The following STAC variants were observed in gnomAD, a reference collection of about 807,000 sequenced individuals.
The protein encoded by STAC is SH3 and cysteine rich domain, also known as SH3 and cysteine-rich domain-containing protein.
STAC carries 43 observed loss-of-function variants against 48.8 expected under a neutral mutation model. That is an observed-to-expected ratio of 0.88 (90% CI 0.69 to 1.14). The LOEUF (loss-of-function observed/expected upper bound fraction) is 1.14, where lower values mean the gene tolerates loss of function less well. Among genes scored for constraint, STAC ranks in the 50% most tolerant of loss-of-function variants. The pLI, the probability that STAC is intolerant of heterozygous loss-of-function variation, is 0.00. For missense variants in STAC, 497 were observed against 504.0 expected, an observed-to-expected ratio of 0.99 and a Z score of 0.13; for synonymous variants, 193 against 179.5, an observed-to-expected ratio of 1.07 and a Z score of -0.60.
intron 10 of STAC, among the ~76,000 whole-genome samples, chr3:36,538,252 A>G (rs1185547243): frequency 1.3e-5 from 2 of 152,184 alleles, no homozygotes; most frequent in African/African-American, 4.8e-5. Context: ...TCATATATAT[A>G]TGGTCTGCGG....
At chr3:36,425,200 C>T (rs1387134702) in intron 1 of STAC, among the ~76,000 whole-genome samples, 1 of 152,094 alleles carries the variant, frequency 6.6e-6, no homozygotes, top group East Asian at 1.9e-4. Context: ...TACTTTGACC[C>T]AGTGACAAAA....
At position 36,381,954 on chromosome 3, in the gene STAC, G is replaced by A. The variant is rs374659278; in HGVS notation, c.111+1200G>A. ...TTTTCTAAAACTCGGTTGGAAATGA[G>A]GGAAAAAGCCCCAACTTCCAGAGAC... On this transcript the variant is annotated intron_variant, in intron 1 of 10. Coordinates refer to ENST00000273183, the MANE Select transcript of STAC (RefSeq NM_003149.3). Among the ~76,000 whole-genome samples the A allele has an allele frequency of 1.5e-4, 23 of 152,278 alleles. 1 individual carries two copies. The highest frequency in any genetic ancestry group is 5.5e-4 in the African/African-American group (23 of 41,554).
rs1698923721 is a variant in STAC at position 36,525,976 on chromosome 3, T to C, written c.921-2720T>C. Among the ~76,000 whole-genome samples, 6 of 152,134 alleles carry C rather than the reference T, an allele frequency of 3.9e-5. 1 individual carries two copies. The highest frequency in any genetic ancestry group is 3.9e-4 in the Admixed American group (6 of 15,274). On this transcript the variant is annotated intron_variant, in intron 8 of 10. Transcript: ENST00000273183. Reference sequence around the variant, plus strand: ...ACTTTTGCTCCAATTCCTAAACATGTCAGAAAATACATTTTTTTTAACACA... The same window carrying C: ...ACTTTTGCTCCAATTCCTAAACATGCCAGAAAATACATTTTTTTTAACACA...
chr3:36,476,693 T>C (rs548458831), intron 2 of STAC, among the ~76,000 whole-genome samples: 43 of 152,286 alleles, frequency 2.8e-4, no homozygotes, highest in African/African-American at 1.0e-3. Context: ...CTAGCACCAG[T>C]TTTGTTATAG....
chr3:36,496,138 G>A (rs1288276160), intron 6 of STAC, among the ~76,000 whole-genome samples: 1 of 152,164 alleles, frequency 6.6e-6, no homozygotes, highest in East Asian at 1.9e-4. Flanking sequence ...AAGAGATCTG[G>A]TGAAAGAACT....
chr3:36,398,673 GA>G, intron 1 of STAC, among the ~76,000 whole-genome samples: 1 of 138,130 alleles, frequency 7.2e-6, no homozygotes, highest in East Asian at 2.2e-4. Context: ...AGGAAGGAAG[GA>G]AAGAAAGAAA....
At position 36,430,845 on chromosome 3, in the gene STAC, C is replaced by T. The variant is rs376114410; in HGVS notation, c.112-12519C>T. ...TTTCCTCTGTGTGTCCAAATTTCCT[C>T]TTCTTACAAGGACACCAGTCAGATC... On this transcript the variant is annotated intron_variant, in intron 1 of 10. Coordinates refer to ENST00000273183, the MANE Select transcript of STAC (RefSeq NM_003149.3). Among the ~76,000 whole-genome samples the T allele has an allele frequency of 3.9e-5, 6 of 152,194 alleles. No individual in the cohort carries two copies. The East Asian group carries it at 1.2e-3, about 29-fold the overall frequency.
chr3:36,533,470 A>G (rs1019034259), intron 10 of STAC, among the ~76,000 whole-genome samples: 2 of 117,758 alleles, frequency 1.7e-5, no homozygotes, highest in South Asian at 5.7e-4. Flanking sequence ...TAATCTTGCT[A>G]GCATGTTTTT....
At chr3:36,474,207 T>A (rs900942706) in intron 2 of STAC, among the ~76,000 whole-genome samples, 1 of 152,134 alleles carries the variant, frequency 6.6e-6, no homozygotes, top group Non-Finnish European at 1.5e-5. Context: ...AGACCCCATA[T>A]GTAACCCATC....
At chr3:36,517,027 G>A (rs1698690998) in intron 8 of STAC, among the ~76,000 whole-genome samples, 1 of 152,208 alleles carries the variant, frequency 6.6e-6, no homozygotes, top group Admixed American at 6.5e-5. Context: ...AAAAGGGGCT[G>A]TGATATCCAA....
At chr3:36,445,636 T>C (rs1696488476) in intron 2 of STAC, among the ~76,000 whole-genome samples, 1 of 152,230 alleles carries the variant, frequency 6.6e-6, no homozygotes, top group African/African-American at 2.4e-5. Flanking sequence ...TTCTTGACCC[T>C]TCAGACATAG....
Position 36,447,305 on chromosome 3 carries a change from C to T in STAC, c.388+3665C>T, listed in dbSNP as rs118191760. 1.5e-4 allele frequency among the ~76,000 whole-genome samples: 23 copies of T among 152,264 alleles called. No individual in the cohort carries two copies. The East Asian group carries it at 3.7e-3, about 24-fold the overall frequency. ...GCATCTGTGAGTCATTGGCTGCCAA[C>T]ACTCACAGCACTAGAATGGTAAATA... is the stretch of plus-strand genomic sequence containing the variant. On this transcript the variant is annotated intron_variant, in intron 2 of 10. Coordinates refer to ENST00000273183, the MANE Select transcript of STAC (RefSeq NM_003149.3).
intron 1 of STAC, among the ~76,000 whole-genome samples, chr3:36,414,414 T>G (rs543474558): frequency 6.6e-6 from 1 of 152,232 alleles, no homozygotes; most frequent in Admixed American, 6.5e-5. Flanking sequence ...TCTCGCTTCA[T>G]TTCATTCATT....
At chr3:36,475,731 C>G (rs1697476686) in intron 2 of STAC, among the ~76,000 whole-genome samples, 1 of 152,180 alleles carries the variant, frequency 6.6e-6, no homozygotes, top group South Asian at 2.1e-4. Flanking sequence ...TTATAAAGGT[C>G]AAGAGGCACA....
At chr3:36,469,757 CATTTTTTTTTT>C (rs1430234984) in intron 2 of STAC, among the ~76,000 whole-genome samples, 3 of 151,810 alleles carry the variant, frequency 2.0e-5, no homozygotes, top group Admixed American at 6.6e-5. Flanking sequence ...AGTCTTTGTT[CATTTTTTTTTT>C]ATTTTTTTTT....
chr3:36,398,378 GAGAA>G (rs1177178884), intron 1 of STAC, among the ~76,000 whole-genome samples: 19 of 96,676 alleles, frequency 2.0e-4, no homozygotes, highest in South Asian at 3.6e-4. Flanking sequence ...AAAAGAAAGA[GAGAA>G]AGAAAGAAAG....
chr3:36,514,171 T>A (rs1046449813), intron 8 of STAC, among the ~76,000 whole-genome samples: 1 of 147,526 alleles, frequency 6.8e-6, no homozygotes, highest in African/African-American at 2.5e-5. Flanking sequence ...GTCTCATCCA[T>A]GGTGACCTCT....
At chr3:36,533,310 G>T (rs906462523) in intron 10 of STAC, among the ~76,000 whole-genome samples, 1 of 152,030 alleles carries the variant, frequency 6.6e-6, no homozygotes, top group Admixed American at 6.6e-5. Context: ...CAAAGCAAAT[G>T]GGCACTTTTC....
intron 8 of STAC, among the ~76,000 whole-genome samples, chr3:36,528,001 G>A (rs991504351): frequency 2.0e-5 from 3 of 152,094 alleles, no homozygotes; most frequent in African/African-American, 7.2e-5. Flanking sequence ...AATTCTAGAT[G>A]TCAATACTAA....
Sources: gnomAD v4.1 joint callset for allele counts (sites outside exome capture counted in the v4.1 genomes callset) on GRCh38, gnomAD v4.1.1 for gene constraint, MANE v1.5 for transcripts, NCBI Gene and HGNC (gene_info 2026-07-23, HGNC 2026-07-21) for gene names.